Variants in TJP2 observed in about 807,000 individuals in gnomAD.
TJP2 encodes the protein tight junction protein 2, also known as Friedreich ataxia region gene X104 (tight junction protein ZO-2).
TJP2 carries 91 observed loss-of-function variants against 133.1 expected under a neutral mutation model. The ratio of observed to expected loss-of-function variants is 0.68; its 90% CI spans 0.58 to 0.81. The LOEUF (loss-of-function observed/expected upper bound fraction) is 0.81. Ranked by LOEUF, TJP2 falls within the 40% of genes least tolerant of loss-of-function variation. The probability of loss-of-function intolerance (pLI) is 0.00; values close to 1 mark genes in which losing one functional copy is unlikely to be tolerated. For synonymous variants in TJP2, 592 were observed against 583.4 expected, an observed-to-expected ratio of 1.01 and a Z score of -0.21; for missense variants, 1,541 against 1,565.6, an observed-to-expected ratio of 0.98 and a Z score of 0.26.
chr9:69,215,606 G>C (rs1828308229), intron 2 of TJP2, among the ~76,000 whole-genome samples: 2 of 151,820 alleles, frequency 1.3e-5, no homozygotes, highest in Admixed American at 6.6e-5. Flanking sequence ...GGCTGGTCTT[G>C]AGCTGCTGGA....
At position 69,221,320 on chromosome 9, in the gene TJP2, C is replaced by T. The variant is rs762846865; in HGVS notation, c.776C>T (p.Pro259Leu). 6.2e-7 allele frequency: 1 copy of T among 1,601,956 alleles called. No individual in the cohort carries two copies. Among genetic ancestry groups the T allele is most frequent in the African/African-American group, 1.3e-5 (1 of 74,680 alleles). ...YERAYHRAYDPDYERAYSPEY... is the reference protein window; with the variant it reads ...YERAYHRAYDLDYERAYSPEY... ...CGAGCCTATCACCGGGCCTACGACC[C>T]AGACTACGAGCGGGCCTACAGCCCG... Residue 259 changes from proline (P) to leucine (L), a missense_variant, in exon 5 of 23, where the codon CCA (proline) becomes CTA (leucine). Transcript: ENST00000377245.
intron 7 of TJP2, among the ~76,000 whole-genome samples, chr9:69,227,399 A>T (rs556379419): frequency 1.3e-5 from 2 of 152,306 alleles, no homozygotes; most frequent in East Asian, 3.9e-4. Context: ...GCCCCACAAC[A>T]ACTGCATCCT....
intron 2 of TJP2, among the ~76,000 whole-genome samples, chr9:69,154,671 T>C (rs1823651252): frequency 6.6e-6 from 1 of 150,634 alleles, no homozygotes; most frequent in Non-Finnish European, 1.5e-5. Context: ...GCACCTATAA[T>C]CATAGCACTT....
At chr9:69,251,961 C>A (rs1212400324) in intron 21 of TJP2, among the ~76,000 whole-genome samples, 3 of 152,018 alleles carry the variant, frequency 2.0e-5, no homozygotes, top group Non-Finnish European at 2.9e-5. Flanking sequence ...TAAAATTTAC[C>A]ATTTCAACCA....
At chr9:69,193,591 C>T (rs948805044) in intron 1 of TJP2, among the ~76,000 whole-genome samples, 12 of 145,842 alleles carry the variant, frequency 8.2e-5, no homozygotes, top group African/African-American at 3.1e-4. Context: ...GTCAGTTTCA[C>T]TCAGTTTATG....
At chr9:69,141,363 C>A (rs934223580) in intron 1 of TJP2, among the ~76,000 whole-genome samples, 20 of 152,120 alleles carry the variant, frequency 1.3e-4, no homozygotes, top group African/African-American at 4.8e-4. Flanking sequence ...TCCTCTGCTC[C>A]CCCGAGCAGG....
chr9:69,188,465 A>G (rs1449535412), intron 1 of TJP2, among the ~76,000 whole-genome samples: 1 of 152,238 alleles, frequency 6.6e-6, no homozygotes, highest in East Asian at 1.9e-4. Context: ...CAATTCCACC[A>G]GTCTCTGCTT....
chr9:69,212,751 A>C, intron 2 of TJP2, 150 bp downstream of exon 2: 1 of 666,420 alleles, frequency 1.5e-6, no homozygotes, highest in African/African-American at 1.8e-5. Flanking sequence ...AATAATTGCT[A>C]TGTTAACAAA....
chr9:69,172,712 T>C (rs1044746213), upstream of TJP2, among the ~76,000 whole-genome samples: 5 of 152,208 alleles, frequency 3.3e-5, no homozygotes, highest in Admixed American at 3.3e-4. Flanking sequence ...GGAAATATTT[T>C]ATTTTTTTTT....
At chr9:69,205,225 A>G in intron 1 of TJP2, 1 of 1,537,274 alleles carries the variant, frequency 6.5e-7, no homozygotes, top group Non-Finnish European at 8.7e-7. Context: ...GAGGAGATGG[A>G]AAGGCCGTGT....
rs1043804434 is a variant in TJP2, at chr9:69,159,510, C to T, written c.-10+7739C>T. 6.6e-5 allele frequency among the ~76,000 whole-genome samples: 10 copies of T among 152,264 alleles called. No homozygotes were observed. The East Asian group carries it at 1.2e-3, about 18-fold the overall frequency. On this transcript the variant is annotated intron_variant, in intron 2 of 5. Coordinates refer to the TJP2 transcript ENST00000423935. Reference sequence around the variant, plus strand: ...CTTAAAATAATTAACTCTGTCAATACGCTTTGAAAGAGGCTTTGTAAATTG... The same window carrying T: ...CTTAAAATAATTAACTCTGTCAATATGCTTTGAAAGAGGCTTTGTAAATTG...
intron 1 of TJP2, among the ~76,000 whole-genome samples, chr9:69,179,123 G>A (rs1267988168): frequency 6.6e-6 from 1 of 152,084 alleles, no homozygotes; most frequent in African/African-American, 2.4e-5. Flanking sequence ...ATGAATCAAG[G>A]AGAAGAGAAA....
At chr9:69,221,923 G>A (rs939013070) in intron 5 of TJP2, among the ~76,000 whole-genome samples, 1 of 146,714 alleles carries the variant, frequency 6.8e-6, no homozygotes, top group Non-Finnish European at 1.5e-5. Flanking sequence ...CCAGGCTGGA[G>A]TGCAGTGGCG....
At chr9:69,233,033 A>G (rs1829906563) in intron 11 of TJP2, among the ~76,000 whole-genome samples, 1 of 152,240 alleles carries the variant, frequency 6.6e-6, no homozygotes, top group Admixed American at 6.5e-5. Context: ...GAAAATATAC[A>G]TATGGCTATA....
chr9:69,209,987 T>C (rs1302165205), intron 1 of TJP2, among the ~76,000 whole-genome samples: 4 of 151,950 alleles, frequency 2.6e-5, no homozygotes, highest in Non-Finnish European at 5.9e-5. Flanking sequence ...ATACAAACTT[T>C]CTTTAAGAAA....
At position 69,234,441 on chromosome 9, in the gene TJP2, G is replaced by C. The variant is rs1351690953; in HGVS notation, c.1674G>C (p.Val558=). The change falls in exon 12 of 23, where the codon GTG becomes GTC. Residue 558 remains valine, a splice_region_variant and synonymous_variant. Coordinates refer to ENST00000377245, the MANE Select transcript of TJP2 (RefSeq NM_004817.4). Reference sequence around the variant, plus strand: ...TTTCTGTTTTTCCTTCCTAATAGGTGAACACACAGGATTTCAGAGGATTAG... The same window carrying C: ...TTTCTGTTTTTCCTTCCTAATAGGTCAACACACAGGATTTCAGAGGATTAG... ...GLQEGDQILK[V]NTQDFRGLVR... 6.6e-7 allele frequency: 1 copy of C among 1,504,694 alleles called. No individual in the cohort carries two copies. The highest frequency in any genetic ancestry group is 9.1e-7 in the Non-Finnish European group (1 of 1,096,588). 93.2% of individuals were successfully genotyped at this position (1,504,694 alleles called of 1,614,324 possible). A position where few individuals can be genotyped will look rare whatever the true frequency, so the allele number is the denominator to read the frequency against.
At chr9:69,202,074 C>T (rs1467526420) in intron 1 of TJP2, among the ~76,000 whole-genome samples, 1 of 152,204 alleles carries the variant, frequency 6.6e-6, no homozygotes, top group Non-Finnish European at 1.5e-5. Flanking sequence ...TCAATTCCTA[C>T]TCCTGTAACT....
intron 1 of TJP2, among the ~76,000 whole-genome samples, chr9:69,178,678 G>GTGTATT (rs780431131): frequency 3.2e-4 from 49 of 152,204 alleles, no homozygotes; most frequent in Admixed American, 4.6e-4. Flanking sequence ...GTTGCAGACA[G>GTGTATT]TGTATTTGTA....
At chr9:69,193,169 GCCTC>G (rs939384790) in intron 1 of TJP2, among the ~76,000 whole-genome samples, 1 of 152,010 alleles carries the variant, frequency 6.6e-6, no homozygotes, top group African/African-American at 2.4e-5. Flanking sequence ...ACCCACCTTG[GCCTC>G]CCAAAGTGCT....
Sources: allele counts gnomAD v4.1 joint callset (sites outside exome capture counted in the v4.1 genomes callset), GRCh38; gene constraint gnomAD v4.1.1; transcripts MANE v1.5; gene names NCBI Gene and HGNC (gene_info 2026-07-23, HGNC 2026-07-21).